NCOA4: variants seen among roughly 807,000 people sequenced by gnomAD.
NCOA4 encodes nuclear receptor coactivator 4.
Under a neutral mutation model 69.5 loss-of-function variants are expected in NCOA4, and 31 were observed. The observed-to-expected ratio is 0.45, with a 90% CI of 0.34 to 0.60. NCOA4 has a LOEUF of 0.60. Among genes scored for constraint, NCOA4 ranks in the 20% least tolerant of loss-of-function variants. The pLI, the probability that NCOA4 is intolerant of heterozygous loss-of-function variation, is 0.02. For missense variants in NCOA4, 600 were observed against 719.2 expected (o/e 0.83, Z 1.90); for synonymous variants, 228 against 252.4 (o/e 0.90, Z 0.92).
chr10:46,006,459 G>A lies in NCOA4; in HGVS notation c.*133C>T, dbSNP rs1838812864. 8.8e-6 allele frequency: 9 copies of A among 1,018,634 alleles called. No homozygotes were observed. The South Asian group carries it at 1.2e-4, about 13-fold the overall frequency. The allele number at this position is 1,018,634 out of a possible 1,614,324, so 63.1% of individuals were successfully genotyped here. On this transcript the variant is annotated 3_prime_UTR_variant, in exon 10 of 10. Coordinates refer to ENST00000581486, the MANE Select transcript of NCOA4 (RefSeq NM_001145263.2). ...TCTGATGACTCACTTTGCTTTACTA[G>A]TTCAAAATTAGGCAGGAGAAGAACT... is the stretch of plus-strand genomic sequence containing the variant.
At chr10:46,028,791 C>T (rs1308184246) in intron 1 of NCOA4, among the ~76,000 whole-genome samples, 1 of 152,026 alleles carries the variant, frequency 6.6e-6, no homozygotes, top group Non-Finnish European at 1.5e-5. Flanking sequence ...GAGGAGAACT[C>T]GTGTCATAGA....
Position 46,005,987 on chromosome 10 carries a change from A to G in NCOA4, c.*605T>C. Reference sequence around the variant, plus strand: ...ATTTGCAGTAGCTGAGTTTAAGTGAAGAATAATGTAGAACTAACGTGGGCT... The same window carrying G: ...ATTTGCAGTAGCTGAGTTTAAGTGAGGAATAATGTAGAACTAACGTGGGCT... On this transcript the variant is annotated 3_prime_UTR_variant, in exon 10 of 10. Coordinates refer to ENST00000581486, the MANE Select transcript of NCOA4 (RefSeq NM_001145263.2). The G allele has an allele frequency of 4.9e-6, 1 of 205,688 alleles. No homozygotes were observed. Among genetic ancestry groups the G allele is most frequent in the Non-Finnish European group, 9.9e-6 (1 of 100,602 alleles). 12.7% of individuals were successfully genotyped at this position (205,688 alleles called of 1,614,324 possible).
At chr10:46,017,195 C>CT (rs566667687) in intron 1 of NCOA4, among the ~76,000 whole-genome samples, 89 of 149,816 alleles carry the variant, frequency 5.9e-4, no homozygotes, top group African/African-American at 1.9e-3. Context: ...TTAGGTAGAA[C>CT]TTTTTTTTTT....
At chr10:46,019,354 T>C in intron 1 of NCOA4, 2 of 985,440 alleles carry the variant, frequency 2.0e-6, no homozygotes, top group South Asian at 9.4e-5. Context: ...CCGGCTCCGA[T>C]TTGGAGAGCT....
chr10:46,020,231 T>C (rs1365516743), intron 1 of NCOA4, among the ~76,000 whole-genome samples: 1 of 152,158 alleles, frequency 6.6e-6, no homozygotes, highest in Non-Finnish European at 1.5e-5. Flanking sequence ...AGCATGACCG[T>C]TAAGAGGTCA....
At chr10:46,027,878 T>C (rs1482152640) in intron 1 of NCOA4, among the ~76,000 whole-genome samples, 2 of 152,354 alleles carry the variant, frequency 1.3e-5, no homozygotes, top group South Asian at 2.1e-4. Flanking sequence ...ATGACTAATA[T>C]ATGTAAAGCA....
chr10:46,015,355 G>A (rs78937603), intron 2 of NCOA4, 89 bp from the exon 3 acceptor site: 2 of 904,758 alleles, frequency 2.2e-6, no homozygotes, highest in Non-Finnish European at 3.4e-6. Context: ...ACTTTTTTTG[G>A]GGGGGTGGGG....
At position 46,009,103 on chromosome 10, in the gene NCOA4, G is replaced by A. The variant is rs559639761; in HGVS notation, c.1839+308C>T. 6 of 1,441,044 alleles carry A rather than the reference G, an allele frequency of 4.2e-6. No individual in the cohort carries two copies. The South Asian group carries it at 7.4e-5, about 18-fold the overall frequency. 89.3% of individuals were successfully genotyped at this position (1,441,044 alleles called of 1,614,324 possible). ...TTATTGGGATATTTGCTTTATTGCA[G>A]TGGCCTGGAACCAAACCCACCTTCG... On this transcript the variant is annotated intron_variant, in intron 9 of 9. Coordinates refer to ENST00000581486, the MANE Select transcript of NCOA4 (RefSeq NM_001145263.2).
At chr10:46,013,710 AT>A in intron 5 of NCOA4, 71 bp from the exon 6 acceptor site, 1 of 1,110,794 alleles carries the variant, frequency 9.0e-7, no homozygotes, top group Non-Finnish European at 1.3e-6. Flanking sequence ...ATAATTCCAA[AT>A]TTCAAAAATG....
intron 1 of NCOA4, chr10:46,019,458 G>C: frequency 2.0e-6 from 2 of 985,446 alleles, no homozygotes; most frequent in Non-Finnish European, 2.4e-6. Flanking sequence ...TTCTTCACCT[G>C]TGCCAAATTT....
intron 1 of NCOA4, chr10:46,027,493 G>A: frequency 6.4e-7 from 1 of 1,550,830 alleles, no homozygotes; most frequent in African/African-American, 1.4e-5. Context: ...CATTGTTCAT[G>A]TGCGTTCTAT....
chr10:46,028,539 TAAA>T (rs61255702), intron 1 of NCOA4, among the ~76,000 whole-genome samples: 1 of 130,764 alleles, frequency 7.6e-6, no homozygotes, highest in Non-Finnish European at 1.7e-5. Context: ...CACCATTAAT[TAAA>T]AAAAAAAAAA....
At chr10:46,014,322 C>A (rs1554922508) in intron 5 of NCOA4, 122 bp downstream of exon 5, 2 of 728,022 alleles carry the variant, frequency 2.7e-6, no homozygotes, top group Non-Finnish European at 4.6e-6. Flanking sequence ...CAGCTGAGAA[C>A]ATGAAATTTT....
chr10:46,023,597 C>G, intron 1 of NCOA4: 7 of 902,662 alleles, frequency 7.8e-6, no homozygotes, highest in Non-Finnish European at 9.3e-6. Flanking sequence ...CTGGGCCTCC[C>G]TGCTAGACGC....
chr10:46,012,360 C>T (rs1839284443), intron 7 of NCOA4, among the ~76,000 whole-genome samples: 1 of 152,040 alleles, frequency 6.6e-6, no homozygotes, highest in Admixed American at 6.6e-5. Flanking sequence ...TATAAATGTA[C>T]TCCTAAGGAA....
At position 46,010,347 on chromosome 10, in the gene NCOA4, C is replaced by T; in HGVS notation, c.1574G>A (p.Ser525Asn). Residue 525 changes from serine (S) to asparagine (N), a missense_variant, in exon 8 of 10, where the codon AGC (serine) becomes AAC (asparagine). Transcript: ENST00000581486. ...GGAACACCAGGAAGTATTCATGGGG[C>T]TTTTAAACTTCTGTTTGCCAGCTCT... ...EDRAGKQKFK[S>N]PMNTSWCSFN... 2 of 1,614,114 alleles carry T rather than the reference C, an allele frequency of 1.2e-6. No homozygotes were observed. Among genetic ancestry groups the T allele is most frequent in the South Asian group, 2.2e-5 (2 of 91,080 alleles).
At chr10:46,013,130 A>T in intron 6 of NCOA4, 104 bp from the exon 7 acceptor site, 1 of 1,075,742 alleles carries the variant, frequency 9.3e-7, no homozygotes, top group Non-Finnish European at 1.4e-6. Context: ...TGGGCAAATC[A>T]TGTGCCTTCC....
chr10:46,007,581 C>CTTTTT (rs71026287), intron 9 of NCOA4, among the ~76,000 whole-genome samples: 8 of 85,486 alleles, frequency 9.4e-5, no homozygotes, highest in East Asian at 3.8e-4. Flanking sequence ...GCCAGTGACT[C>CTTTTT]TTTTTTTTTT....
rs374157113 is a variant in NCOA4, at chr10:46,014,865, C to A, written c.360G>T (p.Val120=). 2 of 1,613,886 alleles carry A rather than the reference C, an allele frequency of 1.2e-6. No homozygotes were observed. Among genetic ancestry groups the A allele is most frequent in the East Asian group, 2.2e-5 (1 of 44,872 alleles). ...AAAAGGGTCATTACCTCTCCAGGCACACAGAGACTTGATTGGCTAGATCTT... is the reference window on the plus strand; with the variant it reads ...AAAAGGGTCATTACCTCTCCAGGCAAACAGAGACTTGATTGGCTAGATCTT... The part of the protein sequence containing the change: ...QNKDLANQVS[V]CLERLGSLTL... Residue 120 remains valine, a synonymous_variant, in exon 4 of 10, where the codon GTG becomes GTT. Coordinates refer to ENST00000581486, the MANE Select transcript of NCOA4 (RefSeq NM_001145263.2).
Sources: gnomAD v4.1 joint callset for allele counts (sites outside exome capture counted in the v4.1 genomes callset) on GRCh38, gnomAD v4.1.1 for gene constraint, MANE v1.5 for transcripts, NCBI Gene and HGNC (gene_info 2026-07-23, HGNC 2026-07-21) for gene names.